Variants in STPG4 observed in about 807,000 individuals in gnomAD.
STPG4 encodes sperm-tail PG-rich repeat containing 4.
Under a neutral mutation model 31.5 loss-of-function variants are expected in STPG4, and 41 were observed. The observed-to-expected ratio is 1.30, with a 90% CI of 1.01 to 1.69. The LOEUF (loss-of-function observed/expected upper bound fraction) is 1.69. Ranked by LOEUF, STPG4 falls within the 40% of genes most tolerant of loss-of-function variation. The probability of loss-of-function intolerance (pLI) is 0.00; values close to 1 mark genes in which losing one functional copy is unlikely to be tolerated. For missense variants in STPG4, 375 were observed against 293.4 expected, an observed-to-expected ratio of 1.28 and a Z score of -2.03; for synonymous variants, 141 against 103.0, an observed-to-expected ratio of 1.37 and a Z score of -2.24.
chr2:47,154,404 G>C (rs926135527), intron 1 of STPG4, among the ~76,000 whole-genome samples: 5 of 152,158 alleles, frequency 3.3e-5, no homozygotes, highest in Non-Finnish European at 7.3e-5. Context: ...AATGAGATGG[G>C]AAGGAGAGAG....
At chr2:47,135,224 A>G (rs1323456145) in intron 3 of STPG4, among the ~76,000 whole-genome samples, 2 of 152,156 alleles carry the variant, frequency 1.3e-5, no homozygotes, top group East Asian at 3.8e-4. Flanking sequence ...TATTTCTTTC[A>G]TGGATCATGC....
Position 47,095,032 on chromosome 2 carries a change from G to A in STPG4, c.520-4658C>T, listed in dbSNP as rs552212220. Reference sequence around the variant, plus strand: ...AGCCCAGGGCAGCCAAATGCCAGATGCCTCCTAGAGAACGTGAGAGTAGAT... The same window carrying A: ...AGCCCAGGGCAGCCAAATGCCAGATACCTCCTAGAGAACGTGAGAGTAGAT... On this transcript the variant is annotated intron_variant, in intron 5 of 6. Coordinates refer to ENST00000445927, the MANE Select transcript of STPG4 (RefSeq NM_001163561.2). 5.3e-5 allele frequency among the ~76,000 whole-genome samples: 8 copies of A among 152,328 alleles called. No individual in the cohort carries two copies. In the East Asian group the frequency reaches 7.7e-4, roughly 15 times the overall value.
chr2:47,122,632 A>T (rs1203999794), intron 5 of STPG4, among the ~76,000 whole-genome samples: 1 of 152,074 alleles, frequency 6.6e-6, no homozygotes, highest in Non-Finnish European at 1.5e-5. Context: ...TAATAAAAAA[A>T]TCTTGTATTA....
At chr2:47,127,349 A>C (rs1686387038) in intron 5 of STPG4, among the ~76,000 whole-genome samples, 2 of 136,846 alleles carry the variant, frequency 1.5e-5, no homozygotes, top group Admixed American at 8.5e-5. Flanking sequence ...GCTCACTGCA[A>C]GCTCCGCCTC....
intron 2 of STPG4, among the ~76,000 whole-genome samples, chr2:47,152,005 C>T (rs1322513944): frequency 6.6e-6 from 1 of 151,906 alleles, no homozygotes; most frequent in African/African-American, 2.4e-5. Flanking sequence ...CCTTGTGATC[C>T]GCCCGCCTTG....
chr2:47,101,921 T>C (rs758839141), intron 5 of STPG4, among the ~76,000 whole-genome samples: 48 of 151,734 alleles, frequency 3.2e-4, no homozygotes, highest in Non-Finnish European at 6.0e-4. Flanking sequence ...TGCTTAGGAC[T>C]CTAACAGGTT....
At chr2:47,094,782 T>G (rs1402696339) in intron 5 of STPG4, among the ~76,000 whole-genome samples, 1 of 152,198 alleles carries the variant, frequency 6.6e-6, no homozygotes, top group Non-Finnish European at 1.5e-5. Flanking sequence ...TGCAAAAGAC[T>G]CAGACTTTCC....
At chr2:47,098,906 T>C (rs1350344140) in intron 5 of STPG4, among the ~76,000 whole-genome samples, 1 of 152,152 alleles carries the variant, frequency 6.6e-6, no homozygotes, top group Non-Finnish European at 1.5e-5. Flanking sequence ...TCTGTCAACA[T>C]TGGTCTACAG....
chr2:47,096,868 C>A (rs2103733001), intron 5 of STPG4, among the ~76,000 whole-genome samples: 1 of 152,272 alleles, frequency 6.6e-6, no homozygotes, highest in South Asian at 2.1e-4. Context: ...ACCACCACAG[C>A]AACCAAAAAG....
At chr2:47,088,951 G>A (rs1238107792) in intron 6 of STPG4, among the ~76,000 whole-genome samples, 1 of 152,142 alleles carries the variant, frequency 6.6e-6, no homozygotes, top group Non-Finnish European at 1.5e-5. Flanking sequence ...CACCCCTCGG[G>A]AGGCTGCTGG....
At chr2:47,147,560 T>G (rs527469206) in intron 3 of STPG4, among the ~76,000 whole-genome samples, 2 of 152,150 alleles carry the variant, frequency 1.3e-5, no homozygotes, top group Non-Finnish European at 2.9e-5. Context: ...TTGAAAAACA[T>G]CTAAGGAGTG....
intron 3 of STPG4, among the ~76,000 whole-genome samples, chr2:47,141,846 T>C (rs1053213050): frequency 2.7e-5 from 4 of 150,634 alleles, no homozygotes; most frequent in Non-Finnish European, 5.9e-5. Context: ...TTTACCACTT[T>C]AGTGAACACA....
At chr2:47,129,078 G>A (rs1686419649) in intron 5 of STPG4, 1 of 152,258 alleles carries the variant, frequency 6.6e-6, no homozygotes, top group Non-Finnish European at 1.5e-5. Context: ...ATGTTGTCTG[G>A]GAGCTAGGGC....
At chr2:47,106,892 T>A (rs547200981) in intron 5 of STPG4, among the ~76,000 whole-genome samples, 1 of 151,930 alleles carries the variant, frequency 6.6e-6, no homozygotes, top group Non-Finnish European at 1.5e-5. Flanking sequence ...GTTTTACAAA[T>A]GGAACCCCAA....
At chr2:47,093,311 CAG>C (rs1558668875) in intron 5 of STPG4, among the ~76,000 whole-genome samples, 1 of 152,176 alleles carries the variant, frequency 6.6e-6, no homozygotes, top group Non-Finnish European at 1.5e-5. Context: ...ATACGTGTGA[CAG>C]AGGTTGCTGT....
chr2:47,126,762 A>G (rs1172952635), intron 5 of STPG4, among the ~76,000 whole-genome samples: 1 of 152,116 alleles, frequency 6.6e-6, no homozygotes, highest in Non-Finnish European at 1.5e-5. Flanking sequence ...TATCCTTCAC[A>G]TTTTAAGGAT....
At chr2:47,107,268 G>A (rs58129187) in intron 5 of STPG4, among the ~76,000 whole-genome samples, 15 of 151,878 alleles carry the variant, frequency 9.9e-5, no homozygotes, top group South Asian at 2.1e-4. Context: ...CAGCTTGCAG[G>A]GAGGTGTGGA....
rs537702507 is a variant in STPG4 at position 47,134,472 on chromosome 2, T to C, written c.400-4212A>G. Among the ~76,000 whole-genome samples, 26 of 152,372 alleles carry C rather than the reference T, an allele frequency of 1.7e-4. No homozygotes were observed. The East Asian group carries it at 4.6e-3, about 27-fold the overall frequency. On this transcript the variant is annotated intron_variant, in intron 3 of 6. Transcript: ENST00000445927. ...TCATACCATATGCAGCCTTTTCAGA[T>C]TGGCTTCTTTCACTTCGTGATATGC...
At chr2:47,133,087 G>T (rs180878133) in intron 3 of STPG4, among the ~76,000 whole-genome samples, 13 of 151,910 alleles carry the variant, frequency 8.6e-5, no homozygotes, top group Admixed American at 7.9e-4. Context: ...CCTGTTCATT[G>T]CTAAACTTGG....
Sources: gnomAD v4.1 joint callset for allele counts (sites outside exome capture counted in the v4.1 genomes callset) on GRCh38, gnomAD v4.1.1 for gene constraint, MANE v1.5 for transcripts, NCBI Gene and HGNC (gene_info 2026-07-23, HGNC 2026-07-21) for gene names.